CNTD1: variants seen among roughly 807,000 people sequenced by gnomAD.
The protein encoded by CNTD1 is cyclin N-terminal domain-containing protein 1.
Under a neutral mutation model 36.3 loss-of-function variants are expected in CNTD1, and 17 were observed. That is an observed-to-expected ratio of 0.47 (90% CI 0.32 to 0.70). The LOEUF is 0.70. Among genes scored for constraint, CNTD1 ranks in the 30% least tolerant of loss-of-function variants. The pLI is 0.03. For synonymous variants in CNTD1, 128 were observed against 153.3 expected (o/e 0.83, Z 1.22); for missense variants, 338 against 386.1 (o/e 0.88, Z 1.04).
At chr17:42,805,362 C>A in intron 3 of CNTD1, 1 of 176,966 alleles carries the variant, frequency 5.7e-6, no homozygotes, top group Non-Finnish European at 1.2e-5. Flanking sequence ...ATACAGAGGG[C>A]TATAAATGTA....
In CNTD1 at chr17:42,805,368, A is replaced by C. The variant is rs9906075; in HGVS notation, c.418-354A>C. The C allele has an allele frequency of 8.4e-3, 1,526 of 182,012 alleles. 29 individuals carry two copies. Among genetic ancestry groups the C allele is most frequent in the African/African-American group, 0.034 (1,441 of 42,038 alleles). The allele number at this position is 182,012 out of a possible 1,614,324, so 11.3% of individuals were successfully genotyped here. A position where few individuals can be genotyped will look rare whatever the true frequency, so the allele number is the denominator to read the frequency against. On this transcript the variant is annotated intron_variant, in intron 3 of 6. Coordinates refer to ENST00000588408, the MANE Select transcript of CNTD1 (RefSeq NM_173478.3). ...TTAATGTAAATACAGAGGGCTATAA[A>C]TGTACCTCATCAGCCTTGGAGAGTC...
rs199961354 is a variant in CNTD1, at chr17:42,809,494, G to A, written c.952G>A (p.Ala318Thr). The change falls in exon 7 of 7, where the codon GCA becomes ACA. Residue 318 changes from alanine to threonine, a missense_variant. Transcript: ENST00000588408. ...GRQQSIPPHL[A>T]ARALKTVASS... ...ACAGCAGTCTATTCCTCCCCACCTG[G>A]CAGCCAGAGCTCTGAAGACTGTTGC... 133 of 1,614,052 alleles carry A rather than the reference G, an allele frequency of 8.2e-5. 1 individual carries two copies. In the Admixed American group the frequency reaches 1.4e-3, roughly 16 times the overall value.
intron 5 of CNTD1, among the ~76,000 whole-genome samples, chr17:42,807,428 A>G (rs551528453): frequency 6.4e-4 from 98 of 152,234 alleles, no homozygotes; most frequent in Non-Finnish European, 1.2e-3. Flanking sequence ...AAAAGAAAAA[A>G]GAAAAAAAAA....
rs1455729470 is a variant in CNTD1 at position 42,801,561 on chromosome 17, T to C, written c.170-2059T>C. On this transcript the variant is annotated intron_variant, in intron 1 of 6. Transcript: ENST00000588408. ...TATATATATATAATATATGTGTGTG[T>C]GTGTGTGTGTGTGTGTGTGTGTATA... 2.8e-5 allele frequency among the ~76,000 whole-genome samples: 4 copies of C among 140,462 alleles called. No individual in the cohort carries two copies. The Admixed American group carries it at 2.9e-4, about 10-fold the overall frequency. 92.1% of individuals were successfully genotyped at this position (140,462 alleles called of 152,430 possible).
At position 42,799,220 on chromosome 17, in the gene CNTD1, G is replaced by A. The variant is rs979202426; in HGVS notation, c.153G>A (p.Arg51=). ...REASGRLGRF[R]EPQIVEFVFL... The stretch of plus-strand genomic sequence containing the variant: ...CTTCGGGGCGGCTGGGCCGCTTCAG[G>A]GAGCCCCAGATCGTGGGTGCGGCTG... The change falls in exon 1 of 7, where the codon AGG becomes AGA. Residue 51 remains arginine, a synonymous_variant. Coordinates refer to ENST00000588408, the MANE Select transcript of CNTD1 (RefSeq NM_173478.3). 1 of 1,613,728 alleles carries A rather than the reference G, an allele frequency of 6.2e-7. No individual in the cohort carries two copies.
intron 3 of CNTD1, 103 bp from the exon 4 acceptor site, chr17:42,805,617 CTG>C: frequency 1.0e-6 from 1 of 995,572 alleles, no homozygotes; most frequent in South Asian, 1.7e-5. Context: ...AGAGACAAGA[CTG>C]AAGATGAAGG....
At chr17:42,808,414 G>T (rs1254314006) in intron 6 of CNTD1, among the ~76,000 whole-genome samples, 4 of 151,848 alleles carry the variant, frequency 2.6e-5, no homozygotes, top group South Asian at 2.1e-4. Flanking sequence ...AGCTGGGTGT[G>T]GTGGCACATG....
In CNTD1 at chr17:42,804,289, A is replaced by G. The variant is rs1223426238; in HGVS notation, c.310A>G (p.Arg104Gly). ...QATIQPRDNK[R>G]ESQNWRALKQ... Reference sequence around the variant, plus strand: ...CACAATCCAGCCAAGAGATAATAAGAGAGAGTCTCAGAATTGGAGGGCTCT... The same window carrying G: ...CACAATCCAGCCAAGAGATAATAAGGGAGAGTCTCAGAATTGGAGGGCTCT... The change falls in exon 3 of 7, where the codon AGA (arginine) becomes GGA (glycine). Residue 104 changes from arginine to glycine, a missense_variant. By Grantham distance (125) the Arg-to-Gly change is moderately radical. Transcript: ENST00000588408. 1 of 1,614,146 alleles carries G rather than the reference A, an allele frequency of 6.2e-7. No homozygotes were observed. The highest frequency in any genetic ancestry group is 1.1e-5 in the South Asian group (1 of 91,078).
intron 1 of CNTD1, 63 bp from the exon 2 acceptor site, chr17:42,803,557 A>C: frequency 7.7e-7 from 1 of 1,299,532 alleles, no homozygotes; most frequent in Non-Finnish European, 1.1e-6. Flanking sequence ...CACAATGCCA[A>C]GAGTTCACAG....
chr17:42,801,510 A>AAAAAATATATAT (rs1289580717), intron 1 of CNTD1, among the ~76,000 whole-genome samples: 6 of 54,344 alleles, frequency 1.1e-4, no homozygotes, highest in South Asian at 6.3e-4. Context: ...AAAAAAAAAA[A>AAAAAATATATAT]ATATATATAT....
At chr17:42,802,769 G>C (rs142820930) in intron 1 of CNTD1, among the ~76,000 whole-genome samples, 58 of 152,308 alleles carry the variant, frequency 3.8e-4, no homozygotes, top group African/African-American at 1.4e-3. Context: ...ACGGATCAAT[G>C]CTAAAAGGTC....
At chr17:42,802,541 T>A (rs890732189) in intron 1 of CNTD1, among the ~76,000 whole-genome samples, 7 of 152,188 alleles carry the variant, frequency 4.6e-5, no homozygotes, top group Non-Finnish European at 1.0e-4. Context: ...CACAATTATA[T>A]GTTCTAGGGT....
Position 42,805,997 on chromosome 17 carries a change from G to T in CNTD1, c.580+113G>T, listed in dbSNP as rs1050429731. 3.2e-5 allele frequency: 32 copies of T among 997,846 alleles called. 1 individual carries two copies. The South Asian group carries it at 3.4e-4, about 11-fold the overall frequency. 61.8% of individuals were successfully genotyped at this position (997,846 alleles called of 1,614,324 possible). A position where few individuals can be genotyped will look rare whatever the true frequency, so the allele number is the denominator to read the frequency against. On this transcript the variant is annotated intron_variant, in intron 4 of 6. Coordinates refer to ENST00000588408, the MANE Select transcript of CNTD1 (RefSeq NM_173478.3). ...AATCCCAGCACTTTGGGAGGCTGAG[G>T]TAGGTGGATCACTTGAGGCCAGGAG...
Position 42,798,871 on chromosome 17 carries a change from T to A in CNTD1, c.-197T>A, listed in dbSNP as rs1412795251. ...GCTTTCTGATTGGCTGAGGAGTCCG[T>A]GGCCGTTGGGGCGGGAAAAAGCTGT... On this transcript the variant is annotated 5_prime_UTR_variant, in exon 1 of 7. Coordinates refer to ENST00000588408, the MANE Select transcript of CNTD1 (RefSeq NM_173478.3). 1 of 1,440,928 alleles carries A rather than the reference T, an allele frequency of 6.9e-7. No homozygotes were observed. The highest frequency in any genetic ancestry group is 1.5e-5 in the South Asian group (1 of 67,316). 89.3% of individuals were successfully genotyped at this position (1,440,928 alleles called of 1,614,324 possible). A position where few individuals can be genotyped will look rare whatever the true frequency, so the allele number is the denominator to read the frequency against.
In CNTD1 at chr17:42,804,385, T is replaced by C; in HGVS notation, c.406T>C (p.Phe136Leu). ...TGTTCAGCTGGCCAGCAAACTTTCC[T>C]TCCGAAACAAAGTAAGGAGCTGGGG... ...SCVQLASKLS[F>L]RNKIISNITV... Residue 136 changes from phenylalanine (F) to leucine (L), a missense_variant, in exon 3 of 7, where the codon TTC (phenylalanine) becomes CTC (leucine). By Grantham distance (22) the Phe-to-Leu change is conservative. Transcript: ENST00000588408. The C allele has an allele frequency of 6.2e-7, 1 of 1,613,902 alleles. No homozygotes were observed. Among genetic ancestry groups the C allele is most frequent in the Non-Finnish European group, 8.5e-7 (1 of 1,179,884 alleles).
At chr17:42,803,937 G>A (rs1448870102) in intron 2 of CNTD1, among the ~76,000 whole-genome samples, 1 of 152,150 alleles carries the variant, frequency 6.6e-6, no homozygotes, top group Non-Finnish European at 1.5e-5. Context: ...CTGGGCTCAA[G>A]TGATCCTCCC....
rs2054996934 is a variant in CNTD1 at position 42,811,241 on chromosome 17, G to T, written c.*1706G>T. The T allele has an allele frequency of 9.8e-6, 3 of 306,130 alleles. No homozygotes were observed. Among genetic ancestry groups the T allele is most frequent in the South Asian group, 2.5e-4 (2 of 7,890 alleles). 19.0% of individuals were successfully genotyped at this position (306,130 alleles called of 1,614,324 possible). The stretch of plus-strand genomic sequence containing the variant: ...TCCCTGAACTTGGCGGGGGAGAAAG[G>T]AGGCAGAAGAAAAGAAATGCTTTGT... On this transcript the variant is annotated 3_prime_UTR_variant, in exon 7 of 7. Transcript: ENST00000588408.
intron 5 of CNTD1, among the ~76,000 whole-genome samples, chr17:42,807,117 T>C (rs1175211089): frequency 6.6e-6 from 1 of 151,878 alleles, no homozygotes; most frequent in African/African-American, 2.4e-5. Flanking sequence ...TGGTCAGTCA[T>C]TTAGAAAAAA....
chr17:42,799,926 T>A (rs1243986073), intron 1 of CNTD1, among the ~76,000 whole-genome samples: 10 of 150,486 alleles, frequency 6.6e-5, no homozygotes, highest in Admixed American at 3.3e-4. Context: ...AAGCCGGGTG[T>A]GGTGGCGGGC....
Sources: allele counts gnomAD v4.1 joint callset (sites outside exome capture counted in the v4.1 genomes callset), GRCh38; gene constraint gnomAD v4.1.1; transcripts MANE v1.5; gene names NCBI Gene and HGNC (gene_info 2026-07-23, HGNC 2026-07-21).